The following ESR2 variants were observed in gnomAD, a reference collection of about 807,000 sequenced individuals.
ESR2 encodes estrogen receptor beta.
A neutral mutation model predicts 49.6 loss-of-function variants in ESR2; 36 were observed. The ratio of observed to expected loss-of-function variants is 0.73; its 90% CI spans 0.56 to 0.96. The LOEUF (loss-of-function observed/expected upper bound fraction) is 0.96. Ranked by LOEUF, ESR2 falls within the 40% of genes least tolerant of loss-of-function variation. The probability of loss-of-function intolerance (pLI) is 0.00; values close to 1 mark genes in which losing one functional copy is unlikely to be tolerated. For synonymous variants in ESR2, 320 were observed against 266.1 expected (o/e 1.20, Z -1.97); for missense variants, 714 against 693.0 (o/e 1.03, Z -0.34).
At chr14:64,274,033 G>C (rs933273218) in intron 3 of ESR2, among the ~76,000 whole-genome samples, 2 of 149,672 alleles carry the variant, frequency 1.3e-5, no homozygotes, top group African/African-American at 2.5e-5. Context: ...TTGACTTCCC[G>C]GTCCCAAGCT....
downstream of ESR2, chr14:64,227,700 T>C: frequency 1.2e-6 from 2 of 1,600,780 alleles, no homozygotes; most frequent in Middle Eastern, 1.7e-4. Context: ...GCATGTCAAT[T>C]TTTGTCTCTT....
intron 1 of ESR2, among the ~76,000 whole-genome samples, chr14:64,304,239 T>C (rs1158421608): frequency 6.6e-6 from 1 of 152,188 alleles, no homozygotes; most frequent in Non-Finnish European, 1.5e-5. Flanking sequence ...CCCGGCAGGT[T>C]CGAGGCTGCA....
At chr14:64,299,824 G>T (rs1015364259) in intron 1 of ESR2, among the ~76,000 whole-genome samples, 1 of 152,098 alleles carries the variant, frequency 6.6e-6, no homozygotes, top group Non-Finnish European at 1.5e-5. Flanking sequence ...AACAGAAAAT[G>T]AACTTCTCCA....
intron 6 of ESR2, among the ~76,000 whole-genome samples, chr14:64,250,399 G>GTTTAAATATACATTAAA (rs1418844545): frequency 6.6e-6 from 1 of 152,140 alleles, no homozygotes; most frequent in African/African-American, 2.4e-5. Context: ...AGCACTCCTT[G>GTTTAAATATACATTAAA]TAGAAATAAA....
intron 7 of ESR2, among the ~76,000 whole-genome samples, chr14:64,238,455 A>C (rs1037310262): frequency 6.6e-6 from 1 of 152,214 alleles, no homozygotes; most frequent in Non-Finnish European, 1.5e-5. Context: ...CCTCCCAGAA[A>C]AGAACTGTGC....
chr14:64,281,385 A>G (rs2076663850), intron 2 of ESR2, among the ~76,000 whole-genome samples: 2 of 152,224 alleles, frequency 1.3e-5, no homozygotes. Flanking sequence ...CCCAAAAATT[A>G]GCAGAACTTT....
At chr14:64,332,335 G>C (rs2077470150) in intron 1 of ESR2, 1 of 152,170 alleles carries the variant, frequency 6.6e-6, no homozygotes, top group Admixed American at 6.5e-5. Flanking sequence ...GCAAACCCCA[G>C]AGGAAAATGA....
intron 1 of ESR2, chr14:64,301,447 T>G (rs2077020017): frequency 6.6e-6 from 1 of 152,240 alleles, no homozygotes; most frequent in South Asian, 2.1e-4. Context: ...CTTGAATCCT[T>G]CCCTTGGAGT....
downstream of ESR2, chr14:64,227,698 A>G (rs534641761): frequency 1.7e-5 from 28 of 1,602,110 alleles, no homozygotes; most frequent in African/African-American, 3.4e-4. Context: ...GTGCATGTCA[A>G]TTTTTGTCTC....
intron 3 of ESR2, among the ~76,000 whole-genome samples, chr14:64,276,157 A>G (rs1218866267): frequency 6.6e-6 from 1 of 152,204 alleles, no homozygotes; most frequent in African/African-American, 2.4e-5. Context: ...AAAGTTGGTA[A>G]TATTTGACTA....
Position 64,321,906 on chromosome 14 carries a change from C to T in ESR2, c.-91+15992G>A, listed in dbSNP as rs2077328541. Among the ~76,000 whole-genome samples, 3 of 152,024 alleles carry T rather than the reference C, an allele frequency of 2.0e-5. No individual in the cohort carries two copies. In the South Asian group the frequency reaches 6.2e-4, roughly 32 times the overall value. ...TGGGAACAATAGACACTGGGGACTA[C>T]CAGACATGGGAGAGAGGGGACATGG... On this transcript the variant is annotated intron_variant, in intron 1 of 8. Transcript: ENST00000358599.
chr14:64,296,043 CAAAAAAAA>C (rs34335763), upstream of ESR2, among the ~76,000 whole-genome samples: 2 of 89,256 alleles, frequency 2.2e-5, no homozygotes, highest in Middle Eastern at 5.0e-3. Context: ...GACTCTGTCT[CAAAAAAAA>C]AAAAAAAAAA....
At chr14:64,335,973 T>TGTGTG (rs2077525609) in intron 1 of ESR2, 1 of 125,694 alleles carries the variant, frequency 8.0e-6, no homozygotes, top group South Asian at 2.9e-4. Flanking sequence ...CCCAGCTAAT[T>TGTGTG]TGTGTGTGTG....
At chr14:64,237,304 G>A (rs2075625036) in intron 7 of ESR2, among the ~76,000 whole-genome samples, 1 of 152,118 alleles carries the variant, frequency 6.6e-6, no homozygotes, top group Non-Finnish European at 1.5e-5. Context: ...ATTTGAAATG[G>A]TAAATATGCA....
At chr14:64,242,727 A>G (rs995408070) in intron 7 of ESR2, among the ~76,000 whole-genome samples, 2 of 152,212 alleles carry the variant, frequency 1.3e-5, no homozygotes, top group Non-Finnish European at 2.9e-5. Context: ...CTGGCCTCAC[A>G]GAATGAATTG....
At chr14:64,243,939 G>A (rs2075796129) in intron 7 of ESR2, among the ~76,000 whole-genome samples, 1 of 152,186 alleles carries the variant, frequency 6.6e-6, no homozygotes, top group Non-Finnish European at 1.5e-5. Context: ...CCAAGTCCTA[G>A]CTGCCTTGCT....
rs1300444198 is a variant in ESR2 at position 64,231,325 on chromosome 14, A to G, written c.*1812T>C. 1 of 151,918 alleles carries G rather than the reference A, an allele frequency of 6.6e-6. No homozygotes were observed. The highest frequency in any genetic ancestry group is 2.1e-4 in the South Asian group (1 of 4,806). 9.4% of individuals were successfully genotyped at this position (151,918 alleles called of 1,614,324 possible). A position where few individuals can be genotyped will look rare whatever the true frequency, so the allele number is the denominator to read the frequency against. On this transcript the variant is annotated 3_prime_UTR_variant, in exon 9 of 9. Transcript: ENST00000341099. Reference sequence around the variant, plus strand: ...TACTCTCCAGCTTCCAAACCCCTCTATTGGGAGTGGGGGATTCTAGGCTGA... The same window carrying G: ...TACTCTCCAGCTTCCAAACCCCTCTGTTGGGAGTGGGGGATTCTAGGCTGA...
Position 64,241,145 on chromosome 14 carries a change from C to CAAAAAAA in ESR2, c.1226-6002_1226-5996dup, listed in dbSNP as rs56347632. ...TGGGCCACAGAGCGAGACTCCGTCT[C>CAAAAAAA]AAAAAAAAAAAAAAAAAAAAAAAAA... On this transcript the variant is annotated intron_variant, in intron 7 of 8. Transcript: ENST00000341099. 9.6e-4 allele frequency among the ~76,000 whole-genome samples: 92 copies of CAAAAAAA among 95,398 alleles called. 1 individual carries two copies. The highest frequency in any genetic ancestry group is 1.6e-3 in the Non-Finnish European group (78 of 48,654). 62.6% of individuals were successfully genotyped at this position (95,398 alleles called of 152,430 possible). A position where few individuals can be genotyped will look rare whatever the true frequency, so the allele number is the denominator to read the frequency against.
intron 7 of ESR2, among the ~76,000 whole-genome samples, chr14:64,244,673 T>C (rs2075811787): frequency 6.6e-6 from 1 of 152,212 alleles, no homozygotes; most frequent in South Asian, 2.1e-4. Context: ...ACCAGCTCCC[T>C]AGTTCTCAGG....
Sources: allele counts gnomAD v4.1 joint callset (sites outside exome capture counted in the v4.1 genomes callset), GRCh38; gene constraint gnomAD v4.1.1; transcripts MANE v1.5; gene names NCBI Gene and HGNC (gene_info 2026-07-23, HGNC 2026-07-21).